KCNC2: variants seen among roughly 807,000 people sequenced by gnomAD.
KCNC2 encodes the protein potassium voltage-gated channel subfamily C member 2.
KCNC2 carries 21 observed loss-of-function variants against 44.5 expected under a neutral mutation model. The observed-to-expected ratio is 0.47, with a 90% CI of 0.33 to 0.68. The LOEUF is 0.68. KCNC2 is among the 30% of genes least tolerant of loss of function. The probability of loss-of-function intolerance (pLI) is 0.01; values close to 1 mark genes in which losing one functional copy is unlikely to be tolerated. For synonymous variants in KCNC2, 391 were observed against 339.1 expected (o/e 1.15, Z -1.68); for missense variants, 589 against 826.2 (o/e 0.71, Z 3.52).
At chr12:75,150,824 T>G (rs1890339156) in intron 2 of KCNC2, among the ~76,000 whole-genome samples, 1 of 151,914 alleles carries the variant, frequency 6.6e-6, no homozygotes, top group Non-Finnish European at 1.5e-5. Context: ...AGATTTTTCT[T>G]TATATCGTTG....
chr12:75,156,189 T>C (rs755702608), intron 2 of KCNC2, among the ~76,000 whole-genome samples: 1 of 151,532 alleles, frequency 6.6e-6, no homozygotes, highest in African/African-American at 2.4e-5. Flanking sequence ...GTCAAACACA[T>C]AGGACATAGA....
chr12:75,159,793 A>G (rs943989490), intron 2 of KCNC2, among the ~76,000 whole-genome samples: 1 of 151,832 alleles, frequency 6.6e-6, no homozygotes, highest in African/African-American at 2.4e-5. Context: ...AGATTCTGAC[A>G]CACTCAAGAG....
intron 2 of KCNC2, among the ~76,000 whole-genome samples, chr12:75,186,090 A>AGT: frequency 1.4e-5 from 2 of 148,076 alleles, no homozygotes; most frequent in African/African-American, 4.9e-5. Context: ...TAAATAAATA[A>AGT]ATAAAAATTT....
At chr12:75,053,502 T>C (rs1195845745) in intron 2 of KCNC2, among the ~76,000 whole-genome samples, 1 of 152,072 alleles carries the variant, frequency 6.6e-6, no homozygotes, top group East Asian at 1.9e-4. Flanking sequence ...GACACAAAAC[T>C]TTGAAAACCA....
chr12:75,096,690 C>A (rs1226934617), intron 2 of KCNC2, among the ~76,000 whole-genome samples: 1 of 151,750 alleles, frequency 6.6e-6, no homozygotes, highest in Non-Finnish European at 1.5e-5. Context: ...AAGTACATAC[C>A]CACCCTTACA....
chr12:75,099,629 A>C (rs1886213167), intron 2 of KCNC2, among the ~76,000 whole-genome samples: 1 of 152,226 alleles, frequency 6.6e-6, no homozygotes, highest in South Asian at 2.1e-4. Context: ...GTTTTATTAC[A>C]TAGCTATTGA....
intron 2 of KCNC2, among the ~76,000 whole-genome samples, chr12:75,166,150 T>A (rs190614131): frequency 6.6e-6 from 1 of 150,938 alleles, no homozygotes; most frequent in Admixed American, 6.6e-5. Context: ...AAGGCAAAAA[T>A]TGGTATGAGA....
rs1053817090 is a variant in KCNC2, at chr12:75,150,792, TATC to T, written c.687+56502_687+56504del. Among the ~76,000 whole-genome samples, 15 of 152,040 alleles carry T rather than the reference TATC, an allele frequency of 9.9e-5. 1 individual carries two copies. Among genetic ancestry groups the T allele is most frequent in the South Asian group, 4.1e-4 (2 of 4,826 alleles). ...TTTTAATAAATAATGCTCTTCTGAA[TATC>T]ATCAATACTTTCATAACTAGATTTT... On this transcript the variant is annotated intron_variant, in intron 2 of 4. Transcript: ENST00000549446.
rs75896024 is a variant in KCNC2 at position 75,070,513 on chromosome 12, A to C, written c.688-19196T>G. The stretch of plus-strand genomic sequence containing the variant: ...TAATATTAAAAAAATGCAAAGGTAA[A>C]TTATTTCAAGGAAAATTAAATAACA... On this transcript the variant is annotated intron_variant, in intron 2 of 4. Coordinates refer to ENST00000549446, the MANE Select transcript of KCNC2 (RefSeq NM_139137.4). 1.8e-4 allele frequency among the ~76,000 whole-genome samples: 28 copies of C among 151,744 alleles called. No homozygotes were observed. The East Asian group carries it at 5.4e-3, about 29-fold the overall frequency.
intron 2 of KCNC2, among the ~76,000 whole-genome samples, chr12:75,075,482 T>TATATATATATATATATATAC (rs1285443264): frequency 1.2e-4 from 15 of 127,268 alleles, no homozygotes; most frequent in Admixed American, 1.5e-4. Flanking sequence ...TATATATATA[T>TATATATATATATATATATAC]ACACATATAT....
chr12:75,104,737 T>C (rs1886642153), intron 2 of KCNC2, among the ~76,000 whole-genome samples: 1 of 152,144 alleles, frequency 6.6e-6, no homozygotes, highest in Non-Finnish European at 1.5e-5. Context: ...ATATAGTAGA[T>C]ACGCATATGG....
intron 2 of KCNC2, among the ~76,000 whole-genome samples, chr12:75,116,300 T>A (rs567905191): frequency 2.6e-5 from 4 of 152,220 alleles, no homozygotes; most frequent in South Asian, 4.1e-4. Context: ...GGAAATCTCA[T>A]ACTCTGCCTC....
chr12:75,206,062 C>T (rs779389434), intron 2 of KCNC2, among the ~76,000 whole-genome samples: 13 of 152,170 alleles, frequency 8.5e-5, no homozygotes, highest in African/African-American at 2.9e-4. Context: ...AAACAAAACA[C>T]GTCCACAGAC....
intron 2 of KCNC2, among the ~76,000 whole-genome samples, chr12:75,088,215 A>G (rs966059992): frequency 2.6e-5 from 4 of 152,082 alleles, no homozygotes; most frequent in African/African-American, 9.7e-5. Context: ...ATGTAGTAAA[A>G]TAGACAGGAT....
chr12:75,208,864 A>G (rs2031925812), intron 1 of KCNC2, among the ~76,000 whole-genome samples: 2 of 148,808 alleles, frequency 1.3e-5, no homozygotes, highest in African/African-American at 2.6e-5. Context: ...AAAGGAAACA[A>G]CTAACTAAGA....
intron 2 of KCNC2, among the ~76,000 whole-genome samples, chr12:75,153,215 C>T (rs975359555): frequency 2.6e-5 from 4 of 151,914 alleles, no homozygotes; most frequent in Non-Finnish European, 5.9e-5. Context: ...TCCTAAGGTA[C>T]ATGTAATGTT....
At chr12:75,187,453 C>A (rs1893028653) in intron 2 of KCNC2, among the ~76,000 whole-genome samples, 2 of 152,168 alleles carry the variant, frequency 1.3e-5, no homozygotes, top group Non-Finnish European at 2.9e-5. Context: ...CTCTTTTGTT[C>A]CAACCTTTTT....
intron 2 of KCNC2, among the ~76,000 whole-genome samples, chr12:75,103,154 T>C (rs1886508861): frequency 6.6e-6 from 1 of 152,126 alleles, no homozygotes; most frequent in Admixed American, 6.5e-5. Context: ...CAACTAAAGA[T>C]AATTAAAAGA....
intron 2 of KCNC2, among the ~76,000 whole-genome samples, chr12:75,158,558 G>GT (rs1174503467): frequency 6.6e-6 from 1 of 151,776 alleles, no homozygotes; most frequent in African/African-American, 2.4e-5. Context: ...CAAAAGCAAG[G>GT]TTTTTTCATG....
Sources: gnomAD v4.1 joint callset for allele counts (sites outside exome capture counted in the v4.1 genomes callset) on GRCh38, gnomAD v4.1.1 for gene constraint, MANE v1.5 for transcripts, NCBI Gene and HGNC (gene_info 2026-07-23, HGNC 2026-07-21) for gene names.